NXNL2: variants seen among roughly 807,000 people sequenced by gnomAD.
NXNL2 encodes nucleoredoxin-like protein 2.
NXNL2 carries 7 observed loss-of-function variants against 11.1 expected under a neutral mutation model. The ratio of observed to expected loss-of-function variants is 0.63; its 90% confidence interval spans 0.36 to 1.18. NXNL2 has a LOEUF of 1.18. NXNL2 is among the 50% of genes most tolerant of loss of function. The probability of loss-of-function intolerance (pLI) is 0.02; values close to 1 mark genes in which losing one functional copy is unlikely to be tolerated. For synonymous variants in NXNL2, 109 were observed against 101.8 expected (o/e 1.07, Z -0.42); for missense variants, 233 against 217.7 (o/e 1.07, Z -0.44).
At chr9:88,580,199 G>A (rs183466962), downstream of NXNL2, among the ~76,000 whole-genome samples, 1,163 of 150,814 alleles carry the variant, frequency 7.7e-3, 14 homozygotes, top group Middle Eastern at 0.031. Flanking sequence ...TGTTGCCCAG[G>A]CTGGAGTACA....
downstream of NXNL2, among the ~76,000 whole-genome samples, chr9:88,576,143 C>T (rs754534848): frequency 8.5e-5 from 13 of 152,124 alleles, no homozygotes; most frequent in African/African-American, 1.7e-4. Context: ...TACAGTGAGC[C>T]GAGATTGTGC....
At chr9:88,555,596 T>G (rs1829997885) in intron 1 of NXNL2, among the ~76,000 whole-genome samples, 1 of 152,182 alleles carries the variant, frequency 6.6e-6, no homozygotes, top group African/African-American at 2.4e-5. Context: ...CAAACTCCTA[T>G]CTCAATGACA....
chr9:88,540,935 ATTTTT>A (rs71507764), intron 1 of NXNL2, among the ~76,000 whole-genome samples: 15 of 91,072 alleles, frequency 1.6e-4, no homozygotes, highest in Non-Finnish European at 2.7e-4. Flanking sequence ...ATCTCAGTAG[ATTTTT>A]TTTTTTTTTT....
intron 1 of NXNL2, among the ~76,000 whole-genome samples, chr9:88,566,397 C>G (rs1162121141): frequency 6.6e-6 from 1 of 151,866 alleles, no homozygotes; most frequent in Non-Finnish European, 1.5e-5. Flanking sequence ...CTGCCTTCCG[C>G]GTTCAAGCAA....
chr9:88,578,769 C>T (rs764326961), downstream of NXNL2, among the ~76,000 whole-genome samples: 1 of 152,224 alleles, frequency 6.6e-6, no homozygotes, highest in Non-Finnish European at 1.5e-5. Flanking sequence ...AGCTCAGCCT[C>T]GACTGGGGCT....
Position 88,535,589 on chromosome 9 carries a change from A to T in NXNL2, c.155A>T (p.Tyr52Phe). ...RDFTPLLCDF[Y>F]TALVAEARRP... Reference sequence around the variant, plus strand: ...TTCACGCCGCTGCTCTGCGACTTCTATACGGCGCTGGTGGCCGAGGCGCGG... The same window carrying T: ...TTCACGCCGCTGCTCTGCGACTTCTTTACGGCGCTGGTGGCCGAGGCGCGG... Residue 52 changes from tyrosine to phenylalanine, a missense_variant, in exon 1 of 2, where the codon TAT becomes TTT. Tyr to Phe is a conservative substitution (Grantham distance 22). Transcript: ENST00000375854. 2.5e-6 allele frequency: 4 copies of T among 1,609,700 alleles called. No homozygotes were observed. The highest frequency in any genetic ancestry group is 3.4e-6 in the Non-Finnish European group (4 of 1,179,384).
chr9:88,582,956 C>G (rs888122893), intron 1 of NXNL2, among the ~76,000 whole-genome samples: 3 of 152,228 alleles, frequency 2.0e-5, no homozygotes, highest in South Asian at 2.1e-4. Flanking sequence ...GTATGAGCCA[C>G]TGAGCCTGGC....
intron 1 of NXNL2, among the ~76,000 whole-genome samples, chr9:88,554,522 C>T (rs1356636689): frequency 6.6e-6 from 1 of 152,122 alleles, no homozygotes; most frequent in Non-Finnish European, 1.5e-5. Flanking sequence ...TTAAAGAAGA[C>T]CTCAATGACC....
At chr9:88,581,986 C>T (rs1830412967) in intron 1 of NXNL2, among the ~76,000 whole-genome samples, 1 of 152,198 alleles carries the variant, frequency 6.6e-6, no homozygotes, top group African/African-American at 2.4e-5. Flanking sequence ...GGCACATCTC[C>T]TTATGGACTT....
intron 1 of NXNL2, among the ~76,000 whole-genome samples, chr9:88,540,917 C>T (rs1200195397): frequency 7.0e-6 from 1 of 143,842 alleles, no homozygotes; most frequent in Non-Finnish European, 1.5e-5. Context: ...TCTCTTTTTC[C>T]TTGCTCAATC....
intron 2 of NXNL2, among the ~76,000 whole-genome samples, chr9:88,572,166 GA>G (rs145666929): frequency 0.1 from 15,240 of 152,178 alleles, 1,140 homozygotes; most frequent in African/African-American, 0.2. Context: ...AATAGCACTA[GA>G]ACCTTTAACA....
At chr9:88,542,334 G>C (rs919739085) in intron 1 of NXNL2, among the ~76,000 whole-genome samples, 2 of 151,692 alleles carry the variant, frequency 1.3e-5, no homozygotes, top group African/African-American at 4.8e-5. Context: ...TGTCACCCAG[G>C]CTGGAGTGCA....
At chr9:88,571,018 C>A in intron 1 of NXNL2, 1 of 381,108 alleles carries the variant, frequency 2.6e-6, no homozygotes, top group Non-Finnish European at 5.0e-6. Context: ...GCTGGGATTA[C>A]AGGTGTGAGC....
intron 1 of NXNL2, among the ~76,000 whole-genome samples, chr9:88,558,117 G>A (rs1263192267): frequency 6.6e-6 from 1 of 152,178 alleles, no homozygotes; most frequent in Non-Finnish European, 1.5e-5. Flanking sequence ...TCAGGATGGG[G>A]CTGGTTCCCA....
At chr9:88,550,249 AC>A (rs1829911176) in intron 1 of NXNL2, among the ~76,000 whole-genome samples, 1 of 152,104 alleles carries the variant, frequency 6.6e-6, no homozygotes, top group South Asian at 2.1e-4. Context: ...ACCAAGCCCC[AC>A]CTCCAACAAT....
chr9:88,566,168 C>A (rs956022739), intron 1 of NXNL2, among the ~76,000 whole-genome samples: 1 of 152,074 alleles, frequency 6.6e-6, no homozygotes, highest in African/African-American at 2.4e-5. Context: ...GTTTTCTTTG[C>A]TGTGTTGAAG....
At chr9:88,552,673 G>A (rs946290895) in intron 1 of NXNL2, among the ~76,000 whole-genome samples, 2 of 152,020 alleles carry the variant, frequency 1.3e-5, no homozygotes, top group African/African-American at 4.8e-5. Context: ...ATTTCACCGT[G>A]TTAGCCAGGA....
chr9:88,545,282 C>T (rs1308903372), downstream of NXNL2, among the ~76,000 whole-genome samples: 6 of 152,144 alleles, frequency 3.9e-5, no homozygotes, highest in South Asian at 1.0e-3. Flanking sequence ...TGGTGAAAGC[C>T]GTCAGTGGTT....
chr9:88,573,722 C>T (rs1034395395), intron 2 of NXNL2, among the ~76,000 whole-genome samples: 1 of 152,148 alleles, frequency 6.6e-6, no homozygotes. Context: ...GGTTGCCCAA[C>T]AGTGCAGATA....
Sources: gnomAD v4.1 joint callset for allele counts (sites outside exome capture counted in the v4.1 genomes callset) on GRCh38, gnomAD v4.1.1 for gene constraint, MANE v1.5 for transcripts, NCBI Gene and HGNC (gene_info 2026-07-23, HGNC 2026-07-21) for gene names.